Variants in CCPG1 observed in about 807,000 individuals in gnomAD.
The protein encoded by CCPG1 is cell cycle progression protein 1.
A neutral mutation model predicts 81.3 loss-of-function variants in CCPG1; 46 were observed. That is an observed-to-expected ratio of 0.57 (90% CI 0.45 to 0.72). CCPG1 has a LOEUF of 0.72. Among genes scored for constraint, CCPG1 ranks in the 30% least tolerant of loss-of-function variants. The probability of loss-of-function intolerance (pLI) is 0.00; values close to 1 mark genes in which losing one functional copy is unlikely to be tolerated. For missense variants in CCPG1, 902 were observed against 937.6 expected (o/e 0.96, Z 0.50); for synonymous variants, 330 against 305.2 (o/e 1.08, Z -0.85).
At chr15:55,405,506 G>A (rs987105449) in intron 1 of CCPG1, among the ~76,000 whole-genome samples, 5 of 152,060 alleles carry the variant, frequency 3.3e-5, no homozygotes, top group African/African-American at 4.8e-5. Context: ...GCAGTGAGCC[G>A]AGACTGAACC....
Position 55,368,969 on chromosome 15 carries a change from A to G in CCPG1, c.706+2824T>C, listed in dbSNP as rs568896442. Among the ~76,000 whole-genome samples the G allele has an allele frequency of 7.2e-5, 11 of 152,118 alleles. No individual in the cohort carries two copies. In the East Asian group the frequency reaches 2.1e-3, roughly 30 times the overall value. The stretch of plus-strand genomic sequence containing the variant: ...TCTTCTAAAAATACAAAAAGTAGCC[A>G]GGCGTGCTGGCGGATGCCTGTAATC... On this transcript the variant is annotated intron_variant, in intron 6 of 8. Transcript: ENST00000442196.
At chr15:55,376,798 A>G (rs1214488812) in intron 5 of CCPG1, 151 bp downstream of exon 5, 1 of 617,702 alleles carries the variant, frequency 1.6e-6, no homozygotes, top group Non-Finnish European at 2.8e-6. Context: ...AACACTAGGT[A>G]TTAATAGATT....
chr15:55,404,535 T>C (rs1435105536), intron 1 of CCPG1, among the ~76,000 whole-genome samples: 1 of 152,192 alleles, frequency 6.6e-6, no homozygotes, highest in Non-Finnish European at 1.5e-5. Flanking sequence ...CTGAACGTGA[T>C]TCAATGTTGA....
intron 7 of CCPG1, among the ~76,000 whole-genome samples, chr15:55,361,271 G>A (rs192107366): frequency 1.3e-3 from 200 of 151,482 alleles, no homozygotes; most frequent in African/African-American, 4.5e-3. Flanking sequence ...GAGTTCAAGC[G>A]ACTCTCCAGC....
At chr15:55,398,184 T>G (rs1331121280) in intron 1 of CCPG1, 1 of 152,156 alleles carries the variant, frequency 6.6e-6, no homozygotes, top group Admixed American at 6.5e-5. Context: ...ACAGTATCAA[T>G]TTTACCTCAT....
At chr15:55,387,696 G>A (rs1311674597) in intron 2 of CCPG1, among the ~76,000 whole-genome samples, 3 of 151,490 alleles carry the variant, frequency 2.0e-5, no homozygotes, top group African/African-American at 7.3e-5. Flanking sequence ...AGGCATGTGC[G>A]ACCACGCCTG....
intron 1 of CCPG1, among the ~76,000 whole-genome samples, chr15:55,406,135 G>C (rs1425417685): frequency 1.3e-5 from 2 of 152,048 alleles, no homozygotes; most frequent in Non-Finnish European, 2.9e-5. Flanking sequence ...AAAGTCCTGG[G>C]ATTACAGGCA....
At chr15:55,361,393 A>G (rs8027135) in intron 7 of CCPG1, among the ~76,000 whole-genome samples, 27,013 of 151,648 alleles carry the variant, frequency 0.18, 4,157 homozygotes, top group African/African-American at 0.42. Flanking sequence ...GAATCAGGAA[A>G]AGAGATTACC....
chr15:55,371,090 G>A (rs1306719469), intron 6 of CCPG1, among the ~76,000 whole-genome samples: 2 of 152,134 alleles, frequency 1.3e-5, no homozygotes, highest in African/African-American at 4.8e-5. Context: ...TCCAGCCTGG[G>A]CGACAGAGTG....
At chr15:55,402,094 A>G (rs1025047279) in intron 1 of CCPG1, among the ~76,000 whole-genome samples, 3 of 152,212 alleles carry the variant, frequency 2.0e-5, no homozygotes, top group Non-Finnish European at 4.4e-5. Flanking sequence ...TATAGCACTT[A>G]CTATACTTCT....
rs74438085 is a variant in CCPG1, at chr15:55,371,795, T to G, written c.704A>C (p.Tyr235Ser). Residue 235 changes from tyrosine to serine, a missense_variant and splice_region_variant, in exon 6 of 9, where the codon TAT becomes TCT. Tyr to Ser is a moderately radical substitution (Grantham distance 144, BLOSUM62 -2). Transcript: ENST00000442196. ...ATAACACATTTTTGAGTACTTACCA[T>G]AGAAATGGCCAAATCCCATGCTGAT... is the stretch of plus-strand genomic sequence containing the variant. ...IAISMGFGHF[Y>S]GTIQIQKRQQ... 7 of 1,613,210 alleles carry G rather than the reference T, an allele frequency of 4.3e-6. No homozygotes were observed. The highest frequency in any genetic ancestry group is 2.7e-5 in the African/African-American group (2 of 74,898).
At chr15:55,381,686 T>C (rs1410899234) in intron 3 of CCPG1, among the ~76,000 whole-genome samples, 1 of 152,262 alleles carries the variant, frequency 6.6e-6, no homozygotes, top group Non-Finnish European at 1.5e-5. Flanking sequence ...GTATGCATTT[T>C]ACTGTAATTT....
chr15:55,387,052 A>C (rs1185275732), intron 2 of CCPG1, among the ~76,000 whole-genome samples: 6 of 152,248 alleles, frequency 3.9e-5, no homozygotes, highest in Non-Finnish European at 8.8e-5. Flanking sequence ...ATTCTGGCCC[A>C]AATGAGAATG....
intron 1 of CCPG1, among the ~76,000 whole-genome samples, chr15:55,391,386 G>A (rs535540932): frequency 6.6e-6 from 1 of 152,290 alleles, no homozygotes; most frequent in African/African-American, 2.4e-5. Flanking sequence ...AAAGCGCTGG[G>A]ATTACAGGCG....
intron 1 of CCPG1, among the ~76,000 whole-genome samples, chr15:55,406,133 G>A (rs898922130): frequency 6.6e-6 from 1 of 152,100 alleles, no homozygotes; most frequent in Admixed American, 6.5e-5. Context: ...CCAAAGTCCT[G>A]GGATTACAGG....
rs35532067 is a variant in CCPG1, at chr15:55,391,872, T to TAAA, written c.-9-2442_-9-2440dup. On this transcript the variant is annotated intron_variant, in intron 1 of 8. Transcript: ENST00000442196. ...GTAATACAGTGAAACCTTGACTCTT[T>TAAA]AAAAAAAAAAAAAAAGGGGGGGGGG... Among the ~76,000 whole-genome samples, 230 of 63,186 alleles carry TAAA rather than the reference T, an allele frequency of 3.6e-3. 10 individuals are homozygous for TAAA. The highest frequency in any genetic ancestry group is 0.031 in the Middle Eastern group (2 of 64). 41.5% of individuals were successfully genotyped at this position (63,186 alleles called of 152,430 possible). A position where few individuals can be genotyped will look rare whatever the true frequency, so the allele number is the denominator to read the frequency against.
At position 55,355,656 on chromosome 15, in the gene CCPG1, G is replaced by C. The variant is rs1338987903; in HGVS notation, c.*564C>G. 2.8e-6 allele frequency: 1 copy of C among 354,682 alleles called. No individual in the cohort carries two copies. The highest frequency in any genetic ancestry group is 5.0e-6 in the Non-Finnish European group (1 of 199,976). The allele number at this position is 354,682 out of a possible 1,614,324, so 22.0% of individuals were successfully genotyped here. A position where few individuals can be genotyped will look rare whatever the true frequency, so the allele number is the denominator to read the frequency against. ...GACCTTTAGTTTTCCTCATGGTGTA[G>C]TTTTATTGTTTCTTCCACGATATTC... On this transcript the variant is annotated 3_prime_UTR_variant, in exon 9 of 9. Coordinates refer to ENST00000442196, the MANE Select transcript of CCPG1 (RefSeq NM_001204450.2).
chr15:55,386,896 C>CAA (rs34103245), intron 2 of CCPG1, among the ~76,000 whole-genome samples: 44 of 143,488 alleles, frequency 3.1e-4, no homozygotes, highest in South Asian at 2.4e-3. Context: ...GACTCCATCT[C>CAA]AAAAAAAAAA....
Position 55,360,044 on chromosome 15 carries a change from G to A in CCPG1, c.1729C>T (p.Pro577Ser), listed in dbSNP as rs757978993. The A allele has an allele frequency of 1.2e-6, 2 of 1,613,510 alleles. No homozygotes were observed. The highest frequency in any genetic ancestry group is 2.2e-5 in the South Asian group (2 of 91,022). Reference protein sequence around the residue: ...SDYLHPQYKAPTENHHNRGPT... With the variant: ...SDYLHPQYKASTENHHNRGPT... The stretch of plus-strand genomic sequence containing the variant: ...CCTCTATTATGATGGTTTTCTGTAG[G>A]TGCCTTATACTGTGGATGTAAATAG... The change falls in exon 8 of 9, where the codon CCT becomes TCT. Residue 577 changes from proline (P) to serine (S), a missense_variant. Physicochemically the swap from Pro to Ser is moderately conservative, Grantham distance 74. This residue lies in a region of CCPG1 where 746 missense variants were observed against 728.6 expected (regional missense o/e 1.02). Coordinates refer to ENST00000442196, the MANE Select transcript of CCPG1 (RefSeq NM_001204450.2).
Sources: gnomAD v4.1 joint callset for allele counts (sites outside exome capture counted in the v4.1 genomes callset) on GRCh38, gnomAD v4.1.1 for gene constraint, gnomAD v4.1.1 regional missense constraint, MANE v1.5 for transcripts, NCBI Gene and HGNC (gene_info 2026-07-23, HGNC 2026-07-21) for gene names.